The following MEI4 variants were observed in gnomAD, a reference collection of about 807,000 sequenced individuals.
MEI4 encodes the protein meiosis-specific protein MEI4.
Under a neutral mutation model 31.4 loss-of-function variants are expected in MEI4, and 27 were observed. The ratio of observed to expected loss-of-function variants is 0.86; its 90% confidence interval spans 0.63 to 1.19. The LOEUF (loss-of-function observed/expected upper bound fraction) is 1.19. MEI4 is among the 50% of genes most tolerant of loss of function. The pLI, the probability that MEI4 is intolerant of heterozygous loss-of-function variation, is 0.00. For missense variants in MEI4, 329 were observed against 398.9 expected, an observed-to-expected ratio of 0.82 and a Z score of 1.49; for synonymous variants, 122 against 145.4, an observed-to-expected ratio of 0.84 and a Z score of 1.16.
intron 4 of MEI4, among the ~76,000 whole-genome samples, chr6:77,914,034 G>T (rs866280669): frequency 7.2e-6 from 1 of 139,070 alleles, no homozygotes; most frequent in Non-Finnish European, 1.5e-5. Flanking sequence ...ACTGTTTCAA[G>T]AAAAAAAAAA....
intron 3 of MEI4, among the ~76,000 whole-genome samples, chr6:77,768,623 C>A (rs542920517): frequency 1.3e-4 from 20 of 151,658 alleles, no homozygotes; most frequent in African/African-American, 4.6e-4. Context: ...TCGCTTGGAC[C>A]TGGGAGGCAG....
At chr6:77,813,681 C>T (rs1769625814) in intron 3 of MEI4, among the ~76,000 whole-genome samples, 1 of 151,912 alleles carries the variant, frequency 6.6e-6, no homozygotes, top group African/African-American at 2.4e-5. Flanking sequence ...TTGGGCTAGA[C>T]CTAATGGTGG....
rs746655203 is a variant in MEI4 at position 77,923,371 on chromosome 6, G to A, written c.*25G>A. 1.6e-5 allele frequency: 20 copies of A among 1,226,826 alleles called. No homozygotes were observed. The highest frequency in any genetic ancestry group is 1.3e-4 in the East Asian group (4 of 31,582). 76.0% of individuals were successfully genotyped at this position (1,226,826 alleles called of 1,614,324 possible). On this transcript the variant is annotated 3_prime_UTR_variant, in exon 5 of 5. Transcript: ENST00000684080. ...ACTCCATTCCTTAGCAATTTACCAC[G>A]TTTGAAGCATAATAAAGTAGAATAT...
At chr6:77,691,795 C>A (rs779941422) in intron 2 of MEI4, among the ~76,000 whole-genome samples, 18 of 151,894 alleles carry the variant, frequency 1.2e-4, no homozygotes, top group Non-Finnish European at 2.5e-4. Context: ...AACACAGGGG[C>A]AAACCTGGGT....
chr6:77,891,899 TTGTC>T (rs1206844073), intron 4 of MEI4, among the ~76,000 whole-genome samples: 3 of 152,210 alleles, frequency 2.0e-5, no homozygotes, highest in Non-Finnish European at 4.4e-5. Context: ...AATGTCAAGT[TTGTC>T]TGTGTCTTCC....
intron 1 of MEI4, among the ~76,000 whole-genome samples, chr6:77,664,109 G>T (rs1582000957): frequency 1.3e-5 from 2 of 152,254 alleles, no homozygotes; most frequent in Admixed American, 1.3e-4. Context: ...ATGTGGCTGG[G>T]GTTTGTCTCA....
chr6:77,755,843 TG>T (rs1582108231), intron 2 of MEI4, among the ~76,000 whole-genome samples: 2 of 149,350 alleles, frequency 1.3e-5, no homozygotes, highest in South Asian at 2.1e-4. Context: ...TGTGTGTGTG[TG>T]TGTGTGTGTG....
chr6:77,742,698 G>T (rs890922545), intron 2 of MEI4, among the ~76,000 whole-genome samples: 1 of 152,152 alleles, frequency 6.6e-6, no homozygotes, highest in Non-Finnish European at 1.5e-5. Context: ...CCTTGCCCAT[G>T]CCTGTGTCCT....
At chr6:77,731,013 A>G (rs1216559894) in intron 2 of MEI4, among the ~76,000 whole-genome samples, 13 of 151,658 alleles carry the variant, frequency 8.6e-5, no homozygotes, top group Non-Finnish European at 1.6e-4. Flanking sequence ...ACATTTTCTT[A>G]ATCCAGTCTA....
At chr6:77,700,884 T>C (rs535135558) in intron 2 of MEI4, among the ~76,000 whole-genome samples, 2 of 152,338 alleles carry the variant, frequency 1.3e-5, no homozygotes, top group East Asian at 1.9e-4. Flanking sequence ...AACTTGATTA[T>C]ATAATGTCAC....
At position 77,735,772 on chromosome 6, in the gene MEI4, T is replaced by C. The variant is rs562032389; in HGVS notation, c.233-25358T>C. ...TTCCCCATCTTTGTGGTTTTATCTA[T>C]TTTTGGTCTTTGATGATGGTGACGT... On this transcript the variant is annotated intron_variant, in intron 2 of 4. Transcript: ENST00000684080. 1.2e-3 allele frequency among the ~76,000 whole-genome samples: 185 copies of C among 152,128 alleles called. 3 individuals are homozygous for C. The highest frequency in any genetic ancestry group is 3.9e-3 in the African/African-American group (163 of 41,396).
intron 2 of MEI4, among the ~76,000 whole-genome samples, chr6:77,729,971 A>C (rs1180008199): frequency 1.3e-5 from 2 of 152,068 alleles, no homozygotes; most frequent in African/African-American, 2.4e-5. Context: ...TAAAGGTAAC[A>C]TCCCAGCAGC....
intron 2 of MEI4, among the ~76,000 whole-genome samples, chr6:77,738,025 C>G (rs188107753): frequency 2.0e-5 from 3 of 152,248 alleles, no homozygotes; most frequent in Admixed American, 6.5e-5. Context: ...AGTCATCTGC[C>G]TAAAAGAATT....
At chr6:77,852,585 GTT>G (rs58175580) in intron 4 of MEI4, among the ~76,000 whole-genome samples, 15 of 142,610 alleles carry the variant, frequency 1.1e-4, no homozygotes, top group Admixed American at 1.4e-4. Flanking sequence ...GTTGTTGTTT[GTT>G]TTTTTTTTTT....
At position 77,706,900 on chromosome 6, in the gene MEI4, G is replaced by A. The variant is rs748172859; in HGVS notation, c.232+15997G>A. On this transcript the variant is annotated intron_variant, in intron 2 of 4. Coordinates refer to ENST00000684080, the MANE Select transcript of MEI4 (RefSeq NM_001322247.2). ...ATGCTTATACAGCCTATAGAACCAC[G>A]AACCAAATAAACCACTTTATAAAGT... Among the ~76,000 whole-genome samples, 9 of 152,032 alleles carry A rather than the reference G, an allele frequency of 5.9e-5. No individual in the cohort carries two copies. The East Asian group carries it at 7.7e-4, about 13-fold the overall frequency.
chr6:77,688,650 A>T (rs986178278), intron 1 of MEI4, among the ~76,000 whole-genome samples: 12 of 152,136 alleles, frequency 7.9e-5, no homozygotes, highest in Non-Finnish European at 1.3e-4. Context: ...TCTTGTGCTA[A>T]TAAACTGTTT....
In MEI4 at chr6:77,838,673, G is replaced by A. The variant is rs946848182; in HGVS notation, c.900+9611G>A. ...TCCCAGCACTTTGGGAGGGCGAGGC[G>A]AGTGGATCACCTGAGGTCAGGAGTT... On this transcript the variant is annotated intron_variant, in intron 4 of 4. Transcript: ENST00000684080. Among the ~76,000 whole-genome samples, 10 of 152,186 alleles carry A rather than the reference G, an allele frequency of 6.6e-5. No homozygotes were observed. In the East Asian group the frequency reaches 7.8e-4, roughly 12 times the overall value.
intron 2 of MEI4, among the ~76,000 whole-genome samples, chr6:77,697,352 T>G (rs1278565235): frequency 5.9e-5 from 9 of 152,180 alleles, no homozygotes. Context: ...CTTTTAATTG[T>G]GATGTTAGGG....
chr6:77,867,733 T>G (rs1003246570), intron 4 of MEI4, among the ~76,000 whole-genome samples: 4 of 150,568 alleles, frequency 2.7e-5, no homozygotes, highest in African/African-American at 7.3e-5. Flanking sequence ...ACCCAAAGGA[T>G]TATGAGTCAT....
Sources: gnomAD v4.1 joint callset for allele counts (sites outside exome capture counted in the v4.1 genomes callset) on GRCh38, gnomAD v4.1.1 for gene constraint, MANE v1.5 for transcripts, NCBI Gene and HGNC (gene_info 2026-07-23, HGNC 2026-07-21) for gene names.